Variants in ABCC8 observed in about 807,000 individuals in gnomAD.
The protein encoded by ABCC8 is ATP binding cassette subfamily C member 8.
In ABCC8, 137 loss-of-function variants were observed where a neutral mutation model predicts 188.0. That is an observed-to-expected ratio of 0.73 (90% CI 0.63 to 0.84). The LOEUF is 0.84. Among genes scored for constraint, ABCC8 ranks in the 40% least tolerant of loss-of-function variants. ABCC8 has a pLI of 0.00. For missense variants in ABCC8, 1,750 were observed against 2,072.7 expected (o/e 0.84, Z 3.02); for synonymous variants, 797 against 846.5 (o/e 0.94, Z 1.01).
chr11:17,450,117 T>C (rs887625659), intron 7 of ABCC8, among the ~76,000 whole-genome samples: 14 of 152,332 alleles, frequency 9.2e-5, no homozygotes, highest in Non-Finnish European at 7.3e-5. Flanking sequence ...AATAACTTTT[T>C]ATGCACAAAG....
At chr11:17,437,205 T>C (rs1349997510) in intron 10 of ABCC8, among the ~76,000 whole-genome samples, 1 of 151,010 alleles carries the variant, frequency 6.6e-6, no homozygotes, top group Non-Finnish European at 1.5e-5. Context: ...AATGATAGTG[T>C]AAGTTTTTCA....
chr11:17,461,488 C>T lies in ABCC8; in HGVS notation c.822+95G>A. On this transcript the variant is annotated intron_variant, in intron 5 of 38. Coordinates refer to ENST00000389817, the MANE Select transcript of ABCC8 (RefSeq NM_000352.6). The stretch of plus-strand genomic sequence containing the variant: ...ACCAGCCTCAGTTTCCCCTCTTGTC[C>T]CACCAGGATTTTGACCTAATGCCCT... 5 of 1,520,688 alleles carry T rather than the reference C, an allele frequency of 3.3e-6. No individual in the cohort carries two copies. In the South Asian group the frequency reaches 3.4e-5, roughly 10 times the overall value. The allele number at this position is 1,520,688 out of a possible 1,614,324, so 94.2% of individuals were successfully genotyped here.
At position 17,448,672 on chromosome 11, in the gene ABCC8, C is replaced by T. The variant is rs1167993548; in HGVS notation, c.1177-1G>A. On this transcript the variant is annotated splice_acceptor_variant, in intron 7 of 38. Coordinates refer to ENST00000389817, the MANE Select transcript of ABCC8 (RefSeq NM_000352.6). LOFTEE classifies it high-confidence loss of function. ...GCATAATTTTATTGTAAATCTTGGT[C>T]TAGAAATGAGAGCAGAGTGTTTCAC... is the stretch of plus-strand genomic sequence containing the variant. The T allele has an allele frequency of 6.2e-7, 1 of 1,614,044 alleles. No homozygotes were observed. Among genetic ancestry groups the T allele is most frequent in the African/African-American group, 1.3e-5 (1 of 74,918 alleles).
chr11:17,456,283 C>T (rs2237975), intron 6 of ABCC8, among the ~76,000 whole-genome samples: 48,505 of 152,046 alleles, frequency 0.32, 7,874 homozygotes, highest in Middle Eastern at 0.5. Flanking sequence ...GATCTTCATG[C>T]CCCCATGTAC....
At position 17,415,331 on chromosome 11, in the gene ABCC8, C is replaced by A. The variant is rs528364662; in HGVS notation, c.2264G>T (p.Arg755Leu). Residue 755 changes from arginine (R) to leucine (L), a missense_variant, in exon 18 of 39, where the codon CGG becomes CTG. Arg to Leu is a moderately radical substitution (Grantham distance 102, BLOSUM62 -2). Coordinates refer to ENST00000389817, the MANE Select transcript of ABCC8 (RefSeq NM_000352.6). ...GATATCCAAGTCGGTCGCTGTCTCC[C>A]GCTCTGGGCTGCAGCAGGGGAGGAA... Reference protein sequence around the residue: ...SEIGEDPSPERETATDLDIRK... With the variant: ...SEIGEDPSPELETATDLDIRK... 3.7e-6 allele frequency: 6 copies of A among 1,610,632 alleles called. No individual in the cohort carries two copies. In the Admixed American group the frequency reaches 8.4e-5, roughly 23 times the overall value.
At chr11:17,452,771 T>A (rs2057661) in intron 7 of ABCC8, among the ~76,000 whole-genome samples, 1 of 152,122 alleles carries the variant, frequency 6.6e-6, no homozygotes, top group Non-Finnish European at 1.5e-5. Context: ...GAACAGCCAC[T>A]TAGAGAGGAT....
intron 36 of ABCC8, 88 bp downstream of exon 36, chr11:17,395,084 G>C: frequency 1.3e-6 from 2 of 1,515,870 alleles, no homozygotes; most frequent in Non-Finnish European, 1.8e-6. Context: ...CAAACTTGGG[G>C]CAAACCTGAG....
In ABCC8 at chr11:17,476,697, A is replaced by G; in HGVS notation, c.80T>C (p.Phe27Ser). ...CGGCACCACGTTGAGCGCGTCCACA[A>G]AGCAGCCGTTGTTGAGGACCCCCTG... is the stretch of plus-strand genomic sequence containing the variant. ...VDQGVLNNGC[F>S]VDALNVVPHV... is the part of the protein sequence containing the mutation. Residue 27 changes from phenylalanine (F) to serine (S), a missense_variant, in exon 1 of 39, where the codon TTT becomes TCT. Physicochemically the swap from Phe to Ser is radical, Grantham distance 155. Transcript: ENST00000389817. 6.2e-7 allele frequency: 1 copy of G among 1,611,352 alleles called. No individual in the cohort carries two copies.
intron 10 of ABCC8, among the ~76,000 whole-genome samples, chr11:17,437,198 G>T (rs1296110335): frequency 1.1e-5 from 1 of 91,988 alleles, no homozygotes; most frequent in African/African-American, 3.6e-5. Context: ...GGTAGTAAAT[G>T]ATAGTGTAAG....
In ABCC8 at chr11:17,404,461, C is replaced by A. The variant is rs1564888940; in HGVS notation, c.3557+51G>T. 2 of 1,554,206 alleles carry A rather than the reference C, an allele frequency of 1.3e-6. No individual in the cohort carries two copies. The highest frequency in any genetic ancestry group is 1.4e-5 in the African/African-American group (1 of 73,446). The stretch of plus-strand genomic sequence containing the variant: ...ATAACGATGAGTCTAGCAAGTACAC[C>A]AAACTGCACATTGCAAAGCACCTCC... On this transcript the variant is annotated intron_variant, in intron 28 of 38. Transcript: ENST00000389817. The surrounding 1 kb of genome is among the most constrained non-coding windows in gnomAD (Gnocchi z 4.7).
chr11:17,460,369 C>T (rs977707801), intron 6 of ABCC8, 119 bp downstream of exon 6: 130 of 1,476,796 alleles, frequency 8.8e-5, no homozygotes, highest in Admixed American at 2.0e-4. Context: ...ATGGGCTTTG[C>T]GCATGTGTGA....
At chr11:17,396,100 A>C in intron 33 of ABCC8, 170 bp from the exon 34 acceptor site, 2 of 1,438,826 alleles carry the variant, frequency 1.4e-6, no homozygotes, top group Non-Finnish European at 1.9e-6. Flanking sequence ...TGTTTCCTGC[A>C]GTGGGTCCAG....
intron 16 of ABCC8, among the ~76,000 whole-genome samples, chr11:17,422,015 A>G (rs1193713038): frequency 6.6e-6 from 1 of 152,244 alleles, no homozygotes; most frequent in Non-Finnish European, 1.5e-5. Flanking sequence ...GCAGGCGTGC[A>G]GACTTGGGAA....
At position 17,474,895 on chromosome 11, in the gene ABCC8, A is replaced by T; in HGVS notation, c.281T>A (p.Leu94Gln). ...TCAGACAGTCACTCACCCATCAGAC[A>T]GGATGCCCTCTGCAATCTCACACAC... Reference protein sequence around the residue: ...VLVCEIAEGILSDGVTESHHL... With the variant: ...VLVCEIAEGIQSDGVTESHHL... Residue 94 changes from leucine to glutamine, a missense_variant, in exon 2 of 39, where the codon CTG becomes CAG. Coordinates refer to ENST00000389817, the MANE Select transcript of ABCC8 (RefSeq NM_000352.6). 1 of 1,614,154 alleles carries T rather than the reference A, an allele frequency of 6.2e-7. No homozygotes were observed. Among genetic ancestry groups the T allele is most frequent in the Non-Finnish European group, 8.5e-7 (1 of 1,180,038 alleles).
At position 17,415,317 on chromosome 11, in the gene ABCC8, C is replaced by T. The variant is rs1257335346; in HGVS notation, c.2278G>A (p.Asp760Asn). 15 of 1,610,242 alleles carry T rather than the reference C, an allele frequency of 9.3e-6. No individual in the cohort carries two copies. The highest frequency in any genetic ancestry group is 2.2e-5 in the East Asian group (1 of 44,790). The change falls in exon 18 of 39, where the codon GAC (aspartate) becomes AAC (asparagine). Residue 760 changes from aspartate (D) to asparagine (N), a missense_variant. By Grantham distance (23) the Asp-to-Asn change is conservative. Coordinates refer to ENST00000389817, the MANE Select transcript of ABCC8 (RefSeq NM_000352.6). The stretch of plus-strand genomic sequence containing the variant: ...AGGACGCAGTACCTGATATCCAAGT[C>T]GGTCGCTGTCTCCCGCTCTGGGCTG... The part of the protein sequence containing the change: ...DPSPERETAT[D>N]LDIRKRGPVA...
chr11:17,469,236 T>C (rs1460416291), intron 3 of ABCC8, among the ~76,000 whole-genome samples: 2 of 152,048 alleles, frequency 1.3e-5, no homozygotes, highest in Admixed American at 6.6e-5. Context: ...GGACCACCGA[T>C]GCGTGCCACC....
chr11:17,418,545 A>G (rs1955187510), intron 16 of ABCC8, among the ~76,000 whole-genome samples: 1 of 152,168 alleles, frequency 6.6e-6, no homozygotes, highest in Non-Finnish European at 1.5e-5. Flanking sequence ...TAAAGCTTAC[A>G]AATTCCAGCT....
intron 3 of ABCC8, among the ~76,000 whole-genome samples, chr11:17,465,105 G>T (rs921770812): frequency 6.6e-6 from 1 of 152,216 alleles, no homozygotes; most frequent in African/African-American, 2.4e-5. Flanking sequence ...AGGATGGAGG[G>T]CAGAAGCATC....
At chr11:17,393,329 C>T in intron 38 of ABCC8, 1 of 746,206 alleles carries the variant, frequency 1.3e-6, no homozygotes, top group Non-Finnish European at 2.2e-6. Flanking sequence ...CTTCTCTCCT[C>T]TCCAAGTCCC....
Sources: gnomAD v4.1 joint callset for allele counts (sites outside exome capture counted in the v4.1 genomes callset) on GRCh38, gnomAD v4.1.1 for gene constraint, Gnocchi (gnomAD v3.1) non-coding constraint, MANE v1.5 for transcripts, NCBI Gene and HGNC (gene_info 2026-07-23, HGNC 2026-07-21) for gene names.